Variants in TTC6 observed in about 807,000 individuals in gnomAD.
The protein encoded by TTC6 is tetratricopeptide repeat domain 6.
TTC6 carries 172 observed loss-of-function variants against 210.4 expected under a neutral mutation model. The observed-to-expected ratio is 0.82, with a 90% CI of 0.72 to 0.93. The LOEUF (loss-of-function observed/expected upper bound fraction) is 0.93. Among genes scored for constraint, TTC6 ranks in the 40% least tolerant of loss-of-function variants. The pLI is 0.00. For missense variants in TTC6, 2,414 were observed against 2,318.1 expected, an observed-to-expected ratio of 1.04 and a Z score of -0.85; for synonymous variants, 804 against 819.6, an observed-to-expected ratio of 0.98 and a Z score of 0.32.
intron 26 of TTC6, among the ~76,000 whole-genome samples, chr14:37,823,300 C>T (rs1205702973): frequency 6.6e-6 from 1 of 152,086 alleles, no homozygotes; most frequent in Non-Finnish European, 1.5e-5. Context: ...TAAGGACTCC[C>T]ATGTGATGAA....
At chr14:37,721,884 A>T (rs1697645199) in intron 6 of TTC6, among the ~76,000 whole-genome samples, 1 of 144,718 alleles carries the variant, frequency 6.9e-6, no homozygotes, top group Admixed American at 6.9e-5. Flanking sequence ...ATATGTATAT[A>T]TACACACACA....
intron 1 of TTC6, among the ~76,000 whole-genome samples, chr14:37,654,389 GA>G (rs1299661046): frequency 2.6e-5 from 4 of 151,656 alleles, no homozygotes; most frequent in East Asian, 3.9e-4. Flanking sequence ...TAAAAATAAT[GA>G]AAAAAAATTA....
chr14:37,762,062 G>A (rs1015439421), intron 14 of TTC6, among the ~76,000 whole-genome samples: 3 of 152,024 alleles, frequency 2.0e-5, no homozygotes, highest in Admixed American at 6.6e-5. Context: ...ACATATAAAC[G>A]AGAACATTTG....
chr14:37,628,030 G>A (rs995159107), intron 1 of TTC6, among the ~76,000 whole-genome samples: 15 of 152,276 alleles, frequency 9.9e-5, no homozygotes, highest in Admixed American at 9.1e-4. Flanking sequence ...GAGTGCAATG[G>A]CATGATCTCA....
At chr14:37,742,010 G>A (rs2095921428) in intron 10 of TTC6, among the ~76,000 whole-genome samples, 1 of 152,138 alleles carries the variant, frequency 6.6e-6, no homozygotes, top group African/African-American at 2.4e-5. Flanking sequence ...TCTTCCTATT[G>A]ATGAATAGTG....
At chr14:37,624,959 T>C (rs2095657799) in intron 1 of TTC6, among the ~76,000 whole-genome samples, 1 of 152,022 alleles carries the variant, frequency 6.6e-6, no homozygotes, top group Non-Finnish European at 1.5e-5. Flanking sequence ...CTCCTACATA[T>C]TGTTTTATGT....
intron 14 of TTC6, among the ~76,000 whole-genome samples, chr14:37,775,580 G>A (rs1249177499): frequency 6.6e-6 from 1 of 152,034 alleles, no homozygotes; most frequent in South Asian, 2.1e-4. Context: ...TTACTGTGCT[G>A]TGGTCCAAGA....
intron 25 of TTC6, among the ~76,000 whole-genome samples, chr14:37,816,426 G>A (rs2096142029): frequency 6.6e-6 from 1 of 152,164 alleles, no homozygotes; most frequent in Admixed American, 6.6e-5. Context: ...TGGCTGGGTA[G>A]TGTCCTTTGG....
chr14:37,751,024 C>G (rs1244911128), intron 12 of TTC6, 29 bp from the exon 15 acceptor site: 1 of 1,453,998 alleles, frequency 6.9e-7, no homozygotes, highest in Non-Finnish European at 9.2e-7. Context: ...GATTATAACT[C>G]CAAATTTTAT....
At chr14:37,742,222 C>T (rs2095922285) in intron 10 of TTC6, among the ~76,000 whole-genome samples, 5 of 152,152 alleles carry the variant, frequency 3.3e-5, no homozygotes, top group Admixed American at 3.3e-4. Context: ...GAATAATTGT[C>T]CTTAGTCTTA....
chr14:37,622,915 T>G (rs1042739945), exon 1 of TTC6: 2 of 1,534,364 alleles, frequency 1.3e-6, no homozygotes, highest in Non-Finnish European at 8.7e-7. Flanking sequence ...ATCGCCTCTC[T>G]GCAGTCCGAG....
chr14:37,814,712 A>G (rs1470557052), intron 25 of TTC6, among the ~76,000 whole-genome samples: 2 of 152,178 alleles, frequency 1.3e-5, no homozygotes, highest in Non-Finnish European at 2.9e-5. Flanking sequence ...ACAGAAACAA[A>G]TTGAAAGCAA....
intron 6 of TTC6, among the ~76,000 whole-genome samples, chr14:37,719,668 G>C (rs563413848): frequency 6.6e-6 from 1 of 151,848 alleles, no homozygotes; most frequent in Non-Finnish European, 1.5e-5. Context: ...AAAGAACCCT[G>C]ACCTAAGTCT....
At chr14:37,669,326 C>A (rs986339045) in intron 1 of TTC6, among the ~76,000 whole-genome samples, 7 of 152,146 alleles carry the variant, frequency 4.6e-5, no homozygotes, top group African/African-American at 1.7e-4. Context: ...TCCATCCTAA[C>A]CCTGTTTGAG....
At chr14:37,732,456 T>A (rs1232020788) in intron 7 of TTC6, among the ~76,000 whole-genome samples, 1 of 151,862 alleles carries the variant, frequency 6.6e-6, no homozygotes, top group Admixed American at 6.6e-5. Flanking sequence ...GTGCTGGGAT[T>A]ACAGTCGTGA....
intron 26 of TTC6, among the ~76,000 whole-genome samples, chr14:37,820,489 G>A (rs936992255): frequency 2.0e-5 from 3 of 152,122 alleles, no homozygotes; most frequent in African/African-American, 7.2e-5. Flanking sequence ...TTTTCTAATT[G>A]GTTAGGCTAT....
chr14:37,701,465 C>T, exon 5 of TTC6: 1 of 1,525,522 alleles, frequency 6.6e-7, no homozygotes, highest in Non-Finnish European at 8.7e-7. Context: ...CGATACCCTG[C>T]TTGGAAAATT....
chr14:37,635,986 AAAAAAAAAAAAAAAG>A (rs2095679687), intron 1 of TTC6, among the ~76,000 whole-genome samples: 1 of 149,760 alleles, frequency 6.7e-6, no homozygotes, highest in African/African-American at 2.5e-5. Flanking sequence ...ATTTCCAAAA[AAAAAAAAAAAAAAAG>A]AAAAAAAAAA....
At chr14:37,713,980 A>C (rs2138756299) in intron 5 of TTC6, among the ~76,000 whole-genome samples, 1 of 152,230 alleles carries the variant, frequency 6.6e-6, no homozygotes, top group African/African-American at 2.4e-5. Flanking sequence ...ATATATTCTT[A>C]GATATTTTGT....
Sources: gnomAD v4.1 joint callset for allele counts (sites outside exome capture counted in the v4.1 genomes callset) on GRCh38, gnomAD v4.1.1 for gene constraint, MANE v1.5 for transcripts, NCBI Gene and HGNC (gene_info 2026-07-23, HGNC 2026-07-21) for gene names.